The following CCDC88A variants were observed in gnomAD, a reference collection of about 807,000 sequenced individuals.
CCDC88A encodes coiled-coil and HOOK domain protein 88A.
A neutral mutation model predicts 234.3 loss-of-function variants in CCDC88A; 54 were observed. The ratio of observed to expected loss-of-function variants is 0.23; its 90% CI spans 0.19 to 0.29. The LOEUF (loss-of-function observed/expected upper bound fraction) is 0.29. CCDC88A is among the 10% of genes least tolerant of loss of function. The probability of loss-of-function intolerance (pLI) is 1.00; values close to 1 mark genes in which losing one functional copy is unlikely to be tolerated. For missense variants in CCDC88A, 1,832 were observed against 2,123.4 expected, an observed-to-expected ratio of 0.86 and a Z score of 2.70; for synonymous variants, 753 against 737.8, an observed-to-expected ratio of 1.02 and a Z score of -0.33.
intron 3 of CCDC88A, among the ~76,000 whole-genome samples, chr2:55,380,685 G>A (rs989557096): frequency 2.0e-5 from 3 of 152,014 alleles, no homozygotes; most frequent in Non-Finnish European, 4.4e-5. Flanking sequence ...GCATGATCTC[G>A]ACTCATTGCA....
chr2:55,375,926 G>C lies in CCDC88A; in HGVS notation c.274-1043C>G, dbSNP rs190861472. Among the ~76,000 whole-genome samples the C allele has an allele frequency of 1.9e-3, 286 of 152,182 alleles. 1 individual carries two copies. Among genetic ancestry groups the C allele is most frequent in the African/African-American group, 6.5e-3 (271 of 41,524 alleles). ...TGCTTTATTAAAAATGCTGTCTAAT[G>C]ATCATTTCATGAAAGTCAGTTCCTC... is the stretch of plus-strand genomic sequence containing the variant. On this transcript the variant is annotated intron_variant, in intron 3 of 32. Transcript: ENST00000436346.
chr2:55,291,649 C>T (rs988794248), intron 32 of CCDC88A, 27 bp downstream of exon 32: 2 of 1,043,222 alleles, frequency 1.9e-6, no homozygotes, highest in Admixed American at 4.2e-5. Context: ...AGACTAATCT[C>T]ATTTACATTT....
At chr2:55,368,407 A>C (rs1233357404) in intron 5 of CCDC88A, among the ~76,000 whole-genome samples, 1 of 152,086 alleles carries the variant, frequency 6.6e-6, no homozygotes, top group Non-Finnish European at 1.5e-5. Context: ...TCAAAAGAAG[A>C]AAACATTTTT....
At chr2:55,337,145 A>G (rs1378025074) in intron 13 of CCDC88A, 2 of 173,314 alleles carry the variant, frequency 1.2e-5, no homozygotes, top group East Asian at 3.5e-4. Context: ...GCTTGAGTGG[A>G]TTTGTAAAGT....
intron 2 of CCDC88A, among the ~76,000 whole-genome samples, chr2:55,401,643 A>C (rs1291383082): frequency 6.6e-6 from 1 of 150,826 alleles, no homozygotes; most frequent in Non-Finnish European, 1.5e-5. Context: ...TATCTACAGA[A>C]TATTTTCACA....
chr2:55,367,479 A>G (rs1004712885), intron 5 of CCDC88A, among the ~76,000 whole-genome samples: 3 of 147,184 alleles, frequency 2.0e-5, no homozygotes, highest in African/African-American at 5.1e-5. Context: ...TGTATTTTTA[A>G]ATATTCTCAG....
chr2:55,311,421 T>TA (rs1682337753), intron 23 of CCDC88A, among the ~76,000 whole-genome samples: 1 of 152,234 alleles, frequency 6.6e-6, no homozygotes, highest in African/African-American at 2.4e-5. Flanking sequence ...GAAAAATGTA[T>TA]GATGTATCCT....
chr2:55,346,251 A>C lies in CCDC88A; in HGVS notation c.965T>G (p.Val322Gly). The C allele has an allele frequency of 6.2e-7, 1 of 1,611,658 alleles. No individual in the cohort carries two copies. The highest frequency in any genetic ancestry group is 8.5e-7 in the Non-Finnish European group (1 of 1,178,284). Residue 322 changes from valine (V) to glycine (G), a missense_variant, in exon 10 of 33, where the codon GTC becomes GGC. Physicochemically the swap from Val to Gly is moderately radical, Grantham distance 109. Transcript: ENST00000436346. Reference sequence around the variant, plus strand: ...GCTGACTTCACTTTCAAGCTTATCGACTCTGACTGCTTTCTCTCGAAGTGC... The same window carrying C: ...GCTGACTTCACTTTCAAGCTTATCGCCTCTGACTGCTTTCTCTCGAAGTGC... ...LDALREKAVRVDKLESEVSRY... is the reference protein window; with the variant it reads ...LDALREKAVRGDKLESEVSRY...
At chr2:55,398,639 A>G (rs1469654221) in intron 2 of CCDC88A, among the ~76,000 whole-genome samples, 1 of 152,156 alleles carries the variant, frequency 6.6e-6, no homozygotes, top group Non-Finnish European at 1.5e-5. Flanking sequence ...TGGGCTGGCA[A>G]CGATGGCTTA....
intron 6 of CCDC88A, among the ~76,000 whole-genome samples, chr2:55,362,727 G>C (rs1310245001): frequency 2.6e-5 from 4 of 151,928 alleles, no homozygotes; most frequent in Non-Finnish European, 5.9e-5. Context: ...AAGTAATGTT[G>C]ATATATCCTG....
chr2:55,378,495 C>G (rs1319238409), intron 3 of CCDC88A, among the ~76,000 whole-genome samples: 2 of 151,982 alleles, frequency 1.3e-5, no homozygotes, highest in African/African-American at 4.8e-5. Context: ...AATACATATG[C>G]CTTTTTTGGG....
chr2:55,323,851 ACAGGTGTGTGCCACCATGC>A (rs1167004977), intron 17 of CCDC88A: 2 of 152,302 alleles, frequency 1.3e-5, no homozygotes, highest in Non-Finnish European at 2.9e-5. Context: ...AGCTGGGATT[ACAGGTGTGTGCCACCATGC>A]CTGGCTAAGT....
At chr2:55,322,445 A>T in intron 18 of CCDC88A, 83 bp downstream of exon 18, 1 of 795,182 alleles carries the variant, frequency 1.3e-6, no homozygotes, top group Non-Finnish European at 1.9e-6. Flanking sequence ...TTTAAATATT[A>T]GAAAATGTAT....
At chr2:55,390,878 G>C (rs1574426302) in intron 2 of CCDC88A, among the ~76,000 whole-genome samples, 2 of 152,292 alleles carry the variant, frequency 1.3e-5, no homozygotes, top group African/African-American at 4.8e-5. Context: ...AGTGGCTCAT[G>C]CCTGTAATCC....
chr2:55,352,393 C>T (rs1474180998), intron 8 of CCDC88A, among the ~76,000 whole-genome samples: 1 of 151,262 alleles, frequency 6.6e-6, no homozygotes, highest in African/African-American at 2.4e-5. Flanking sequence ...CGCCATTGCA[C>T]TCCAGCCTGG....
rs547423765 is a variant in CCDC88A at position 55,366,068 on chromosome 2, G to A, written c.403-2035C>T. On this transcript the variant is annotated intron_variant, in intron 5 of 32. Coordinates refer to ENST00000436346, the MANE Select transcript of CCDC88A (RefSeq NM_001365480.1). Reference sequence around the variant, plus strand: ...AGATATATAGCTTAATACCAGCTGTGAAGACTAAATAATATCAGCAAATTG... The same window carrying A: ...AGATATATAGCTTAATACCAGCTGTAAAGACTAAATAATATCAGCAAATTG... 2.0e-5 allele frequency among the ~76,000 whole-genome samples: 3 copies of A among 152,316 alleles called. No homozygotes were observed. The East Asian group carries it at 5.8e-4, about 29-fold the overall frequency.
At chr2:55,414,733 C>A (rs1169014773) in intron 2 of CCDC88A, among the ~76,000 whole-genome samples, 2 of 151,982 alleles carry the variant, frequency 1.3e-5, no homozygotes, top group African/African-American at 4.8e-5. Flanking sequence ...AATCAATTTT[C>A]TTAGTCTTAA....
Position 55,317,861 on chromosome 2 carries a change from T to A in CCDC88A, c.3325-20A>T, listed in dbSNP as rs748221107. ...TTCAACCTATAAGAATATATATTGT[T>A]ATCAGACATAAGAAAAACAGTTCAT... On this transcript the variant is annotated intron_variant, in intron 19 of 32. Transcript: ENST00000436346. This position sits in a 1 kb window ranked among gnomAD's most constrained non-coding sequence, Gnocchi z 4.2. 2.7e-6 allele frequency: 4 copies of A among 1,495,938 alleles called. No individual in the cohort carries two copies. The highest frequency in any genetic ancestry group is 9.1e-7 in the Non-Finnish European group (1 of 1,101,588). 92.7% of individuals were successfully genotyped at this position (1,495,938 alleles called of 1,614,324 possible).
chr2:55,397,932 A>C (rs1677896114), intron 2 of CCDC88A, among the ~76,000 whole-genome samples: 1 of 152,154 alleles, frequency 6.6e-6, no homozygotes, highest in Non-Finnish European at 1.5e-5. Context: ...TTTAACAATT[A>C]AAATAATTCT....
Sources: gnomAD v4.1 joint callset for allele counts (sites outside exome capture counted in the v4.1 genomes callset) on GRCh38, gnomAD v4.1.1 for gene constraint, Gnocchi (gnomAD v3.1) non-coding constraint, MANE v1.5 for transcripts, NCBI Gene and HGNC (gene_info 2026-07-23, HGNC 2026-07-21) for gene names.